Variants in FREM1 observed in about 807,000 individuals in gnomAD.
The protein encoded by FREM1 is FRAS1 related extracellular matrix 1.
In FREM1, 220 loss-of-function variants were observed where a neutral mutation model predicts 210.1. That is an observed-to-expected ratio of 1.05 (90% confidence interval 0.94 to 1.17). FREM1 has a LOEUF of 1.17. Ranked by LOEUF, FREM1 falls within the 50% of genes most tolerant of loss-of-function variation. The probability of loss-of-function intolerance (pLI) is 0.00; values close to 1 mark genes in which losing one functional copy is unlikely to be tolerated. For missense variants in FREM1, 3,454 were observed against 2,675.5 expected (o/e 1.29, Z -6.42); for synonymous variants, 1,189 against 980.2 (o/e 1.21, Z -3.98).
intron 27 of FREM1, 89 bp downstream of exon 27, chr9:14,769,635 C>A: frequency 3.0e-6 from 4 of 1,317,924 alleles, no homozygotes; most frequent in Non-Finnish European, 4.1e-6. Context: ...TTCTTGGGTT[C>A]TGTTTTAAAA....
At chr9:14,801,984 T>C (rs1212263937) in intron 19 of FREM1, 110 bp from the exon 20 acceptor site, 6 of 768,296 alleles carry the variant, frequency 7.8e-6, no homozygotes, top group Non-Finnish European at 1.3e-5. Flanking sequence ...AAATTTTCTA[T>C]GAGATTTATA....
At chr9:14,803,028 T>C (rs1563964090) in intron 19 of FREM1, among the ~76,000 whole-genome samples, 1 of 145,274 alleles carries the variant, frequency 6.9e-6, no homozygotes, top group Non-Finnish European at 1.5e-5. Context: ...TCTTTCTTCT[T>C]TCTCTTTCTT....
intron 4 of FREM1, among the ~76,000 whole-genome samples, chr9:14,858,709 C>T (rs1054911744): frequency 7.9e-5 from 12 of 152,090 alleles, no homozygotes; most frequent in African/African-American, 2.9e-4. Flanking sequence ...GGAATGTTAC[C>T]CATAAACTCT....
At chr9:14,873,493 T>C (rs1833107217) in intron 1 of FREM1, among the ~76,000 whole-genome samples, 1 of 152,216 alleles carries the variant, frequency 6.6e-6, no homozygotes, top group South Asian at 2.1e-4. Context: ...GTAGTTTGTA[T>C]TTCTGTGGGA....
At position 14,778,650 on chromosome 9, in the gene FREM1, AAGGGAGGGG is replaced by A. The variant is rs1350391595; in HGVS notation, c.4443-2456_4443-2448del. 7.4e-4 allele frequency among the ~76,000 whole-genome samples: 50 copies of A among 67,352 alleles called. 3 individuals carry two copies. The highest frequency in any genetic ancestry group is 2.1e-3 in the African/African-American group (37 of 18,040). 44.2% of individuals were successfully genotyped at this position (67,352 alleles called of 152,430 possible). On this transcript the variant is annotated intron_variant, in intron 24 of 36. Transcript: ENST00000380880. ...AAAAAAGAGGAAAGGAAAGGGAGGG[AAGGGAGGGG>A]AGGGAGGGGAGGGAGGGGAGGGAGG...
chr9:14,893,410 G>A (rs191420321), intron 1 of FREM1, among the ~76,000 whole-genome samples: 1 of 152,310 alleles, frequency 6.6e-6, no homozygotes, highest in Non-Finnish European at 1.5e-5. Flanking sequence ...AGCAAAACTG[G>A]TCAGTTATGT....
Position 14,747,331 on chromosome 9 carries a change from A to G in FREM1, c.5942T>C (p.Ile1981Thr). The stretch of plus-strand genomic sequence containing the variant: ...TGCTTGAGGCAGTTCTGCCACTTTG[A>G]TTGTCTTTTGTGGCTGACTAATGAT... ...VSIISQPQKT[I>T]KVAELPQADK... Residue 1981 changes from isoleucine (I) to threonine (T), a missense_variant, in exon 33 of 37, where the codon ATC (isoleucine) becomes ACC (threonine). Ile to Thr is a moderately conservative substitution (Grantham distance 89). Coordinates refer to ENST00000380880, the MANE Select transcript of FREM1 (RefSeq NM_001379081.2). The G allele has an allele frequency of 6.2e-7, 1 of 1,613,506 alleles. No individual in the cohort carries two copies. Among genetic ancestry groups the G allele is most frequent in the African/African-American group, 1.3e-5 (1 of 74,938 alleles).
chr9:14,825,080 T>G, intron 10 of FREM1, 88 bp from the exon 11 acceptor site: 1 of 870,162 alleles, frequency 1.1e-6, no homozygotes, highest in Non-Finnish European at 1.8e-6. Context: ...ACAGTTAAGA[T>G]AATTTCTAAA....
intron 28 of FREM1, 109 bp from the exon 29 acceptor site, chr9:14,756,555 T>C: frequency 1.4e-6 from 1 of 719,456 alleles, no homozygotes; most frequent in Non-Finnish European, 2.2e-6. Flanking sequence ...AATCTGTTTT[T>C]AATATTAGGT....
chr9:14,859,442 C>T lies in FREM1; in HGVS notation c.372G>A (p.Trp124Ter). ...TACAGTCTGGTTCCAGGAGATAGACCCACAGGATAAAAGTTTCTATGAAGG... is the reference window on the plus strand; with the variant it reads ...TACAGTCTGGTTCCAGGAGATAGACTCACAGGATAAAAGTTTCTATGAAGG... ...RDTFIETFIL[W>*]VYLLEPDCNI... The change falls in exon 4 of 37, where the codon TGG becomes TGA. Residue 124 changes from tryptophan to a stop codon, truncating the protein, a stop_gained. Transcript: ENST00000380880. LOFTEE classifies it high-confidence loss of function. 1.2e-6 allele frequency: 2 copies of T among 1,613,676 alleles called. No individual in the cohort carries two copies. The highest frequency in any genetic ancestry group is 1.1e-5 in the South Asian group (1 of 91,028).
intron 1 of FREM1, among the ~76,000 whole-genome samples, chr9:14,892,156 T>G (rs986719453): frequency 6.6e-6 from 1 of 152,086 alleles, no homozygotes; most frequent in South Asian, 2.1e-4. Context: ...AACATCTTTA[T>G]GGTCACTACA....
At chr9:14,860,994 T>TATATACAC (rs1564104229) in intron 3 of FREM1, among the ~76,000 whole-genome samples, 2 of 102,786 alleles carry the variant, frequency 1.9e-5, no homozygotes, top group African/African-American at 1.2e-4. Context: ...CATATATACA[T>TATATACAC]ATATATACAC....
At chr9:14,809,315 T>C (rs562148543) in intron 16 of FREM1, among the ~76,000 whole-genome samples, 1 of 152,306 alleles carries the variant, frequency 6.6e-6, no homozygotes, top group African/African-American at 2.4e-5. Flanking sequence ...TATGTCTTTA[T>C]CAGCAGCCTC....
intron 25 of FREM1, among the ~76,000 whole-genome samples, chr9:14,775,323 G>A (rs1848357527): frequency 6.6e-6 from 1 of 152,140 alleles, no homozygotes; most frequent in Non-Finnish European, 1.5e-5. Flanking sequence ...GCACCTATGA[G>A]GGGACCATAT....
intron 21 of FREM1, among the ~76,000 whole-genome samples, chr9:14,793,262 TTTAC>T (rs1455068867): frequency 6.6e-6 from 1 of 152,206 alleles, no homozygotes; most frequent in Non-Finnish European, 1.5e-5. Flanking sequence ...GTGTTCTAAT[TTTAC>T]AGACAGAAAC....
intron 22 of FREM1, among the ~76,000 whole-genome samples, chr9:14,791,387 TC>T (rs1387849380): frequency 6.6e-6 from 1 of 152,216 alleles, no homozygotes; most frequent in Non-Finnish European, 1.5e-5. Flanking sequence ...CATTAAAGCA[TC>T]TAATTTTGAG....
chr9:14,804,379 A>C (rs1186491296), intron 19 of FREM1, among the ~76,000 whole-genome samples: 2 of 152,104 alleles, frequency 1.3e-5, no homozygotes, highest in Non-Finnish European at 2.9e-5. Context: ...AGGTCAGGAG[A>C]TCAAGACCAT....
intron 5 of FREM1, among the ~76,000 whole-genome samples, chr9:14,851,961 C>G (rs1427215560): frequency 2.6e-5 from 4 of 152,126 alleles, no homozygotes; most frequent in Admixed American, 2.0e-4. Flanking sequence ...TGATTTTAGA[C>G]AAGTTACTTA....
At chr9:14,832,843 GTCTTAAGCTGTAAACAA>G (rs1458205250) in intron 10 of FREM1, among the ~76,000 whole-genome samples, 1 of 152,114 alleles carries the variant, frequency 6.6e-6, no homozygotes, top group Non-Finnish European at 1.5e-5. Context: ...TGTAAGGTTG[GTCTTAAGCTGTAAACAA>G]TCTTGTATGC....
Sources: allele counts gnomAD v4.1 joint callset (sites outside exome capture counted in the v4.1 genomes callset), GRCh38; gene constraint gnomAD v4.1.1; transcripts MANE v1.5; gene names NCBI Gene and HGNC (gene_info 2026-07-23, HGNC 2026-07-21).